Variants in PTPN23 observed in about 807,000 individuals in gnomAD.
The protein encoded by PTPN23 is tyrosine-protein phosphatase non-receptor type 23.
A neutral mutation model predicts 156.3 loss-of-function variants in PTPN23; 72 were observed. That is an observed-to-expected ratio of 0.46 (90% CI 0.38 to 0.56). The LOEUF is 0.56. Ranked by LOEUF, PTPN23 falls within the 20% of genes least tolerant of loss-of-function variation. The pLI is 0.00. For synonymous variants in PTPN23, 957 were observed against 899.6 expected (o/e 1.06, Z -1.14); for missense variants, 1,974 against 2,171.5 (o/e 0.91, Z 1.81).
chr3:47,408,695 C>T lies in PTPN23; in HGVS notation c.1331-81C>T, dbSNP rs537714887. The T allele has an allele frequency of 9.5e-5, 143 of 1,498,022 alleles. 1 individual carries two copies. The highest frequency in any genetic ancestry group is 6.2e-4 in the Admixed American group (30 of 48,662). 92.8% of individuals were successfully genotyped at this position (1,498,022 alleles called of 1,614,324 possible). A position where few individuals can be genotyped will look rare whatever the true frequency, so the allele number is the denominator to read the frequency against. On this transcript the variant is annotated intron_variant, in intron 15 of 24. Coordinates refer to ENST00000265562, the MANE Select transcript of PTPN23 (RefSeq NM_015466.4). ...TCACTTAAGCCCTGACCTGAGGGGG[C>T]GGTTCTGTCTCTTGGGGGAGGGGCC...
In PTPN23 at chr3:47,408,971, C is replaced by T. The variant is rs778966633; in HGVS notation, c.1526C>T (p.Ser509Phe). ...TACATGGAAGTCCATGAGAAGGCCTCCTTCACCAACAGTGAGCTGCACCGT... is the reference window on the plus strand; with the variant it reads ...TACATGGAAGTCCATGAGAAGGCCTTCTTCACCAACAGTGAGCTGCACCGT... Reference protein sequence around the residue: ...AKYMEVHEKASFTNSELHRAM... With the variant: ...AKYMEVHEKAFFTNSELHRAM... The change falls in exon 16 of 25, where the codon TCC (serine) becomes TTC (phenylalanine). Residue 509 changes from serine to phenylalanine, a missense_variant. Physicochemically the swap from Ser to Phe is radical, Grantham distance 155. Transcript: ENST00000265562. The T allele has an allele frequency of 5.0e-6, 8 of 1,614,092 alleles. No homozygotes were observed. The Admixed American group carries it at 5.0e-5, about 10-fold the overall frequency.
chr3:47,407,973 G>A lies in PTPN23; in HGVS notation c.1184+18G>A. On this transcript the variant is annotated intron_variant, in intron 14 of 24. Coordinates refer to ENST00000265562, the MANE Select transcript of PTPN23 (RefSeq NM_015466.4). This position sits in a 1 kb window ranked among gnomAD's most constrained non-coding sequence, Gnocchi z 4.0. ...GTCCTGGAGTGAGTGTGGGACTTGG[G>A]CAGGGAGGCGGAGGCAGGCAGCACT... 1.2e-6 allele frequency: 2 copies of A among 1,612,130 alleles called. No homozygotes were observed. The highest frequency in any genetic ancestry group is 1.7e-6 in the Non-Finnish European group (2 of 1,179,290).
At position 47,405,028 on chromosome 3, in the gene PTPN23, C is replaced by T; in HGVS notation, c.311C>T (p.Ser104Phe). The T allele has an allele frequency of 6.2e-7, 1 of 1,614,216 alleles. No homozygotes were observed. The highest frequency in any genetic ancestry group is 8.5e-7 in the Non-Finnish European group (1 of 1,180,038). Residue 104 changes from serine to phenylalanine, a missense_variant, in exon 4 of 25, where the codon TCT becomes TTT. This residue lies in a region of PTPN23 where 726 missense variants were observed against 929.5 expected (regional missense o/e 0.78). Transcript: ENST00000265562. This position sits in a 1 kb window ranked among gnomAD's most constrained non-coding sequence, Gnocchi z 4.7. ...VTWTEIFSGK[S>F]VAHEDIKYEQ... ...AGGACAGAGATCTTCTCAGGCAAGT[C>T]TGTGGCCCATGAGGACATCAAGTAC...
chr3:47,410,376 C>G lies in PTPN23; in HGVS notation c.2578C>G (p.Leu860Val). 1 of 1,610,864 alleles carries G rather than the reference C, an allele frequency of 6.2e-7. No individual in the cohort carries two copies. The highest frequency in any genetic ancestry group is 8.5e-7 in the Non-Finnish European group (1 of 1,178,828). Residue 860 changes from leucine (L) to valine (V), a missense_variant, in exon 20 of 25, where the codon CTC (leucine) becomes GTC (valine). Around this residue, in one of 4 missense-constraint regions of PTPN23, gnomAD observed 731 missense variants for 669.1 expected, o/e 1.09. Coordinates refer to ENST00000265562, the MANE Select transcript of PTPN23 (RefSeq NM_015466.4). ...GVGPAPPVAG[L>V]PSAPPPQFSG... ...AGGGCCGGCCCCACCAGTTGCAGGTCTCCCCTCGGCCCCACCTCCTCAATT... is the reference window on the plus strand; with the variant it reads ...AGGGCCGGCCCCACCAGTTGCAGGTGTCCCCTCGGCCCCACCTCCTCAATT...
rs1559531914 is a variant in PTPN23, at chr3:47,413,141, C to CCGT, written c.4868_4869insGTC (p.Pro1623_Leu1624insSer). ...GCGGGCCACCCGGCCCTCTGACGAC[C>CCGT]CCCTCAGCCTTCTGGATCCACTCTG... is the stretch of plus-strand genomic sequence containing the variant. On this transcript the variant is annotated inframe_insertion, in exon 25 of 25. Coordinates refer to ENST00000265562, the MANE Select transcript of PTPN23 (RefSeq NM_015466.4). The CCGT allele has an allele frequency of 6.2e-7, 1 of 1,612,754 alleles. No homozygotes were observed. The highest frequency in any genetic ancestry group is 1.7e-5 in the Admixed American group (1 of 60,026).
In PTPN23 at chr3:47,381,026, T is replaced by C; in HGVS notation, c.-71T>C. On this transcript the variant is annotated 5_prime_UTR_variant, in exon 1 of 25. Transcript: ENST00000265562. Reference sequence around the variant, plus strand: ...GACTTCCGGCACGAAGGGGCGGGGCTGGGCTCGTGGCTGAGCCAGCAGCTG... The same window carrying C: ...GACTTCCGGCACGAAGGGGCGGGGCCGGGCTCGTGGCTGAGCCAGCAGCTG... 1.3e-6 allele frequency: 2 copies of C among 1,547,648 alleles called. No individual in the cohort carries two copies. The highest frequency in any genetic ancestry group is 1.2e-5 in the South Asian group (1 of 83,894).
intron 23 of PTPN23, 26 bp from the exon 24 acceptor site, chr3:47,412,488 T>A: frequency 1.9e-6 from 3 of 1,612,122 alleles, no homozygotes; most frequent in Non-Finnish European, 2.5e-6. Flanking sequence ...CCTGCCCAGC[T>A]GACCTGGCCA....
At position 47,413,256 on chromosome 3, in the gene PTPN23, A is replaced by C. The variant is rs1705377392; in HGVS notation, c.*71A>C. ...ATGCCCACCTGCCCACACCCAGCAG[A>C]GCTTCTCAGTGGGCACAGTCTCTTA... On this transcript the variant is annotated 3_prime_UTR_variant, in exon 25 of 25. Transcript: ENST00000265562. 1 of 1,531,320 alleles carries C rather than the reference A, an allele frequency of 6.5e-7. No homozygotes were observed. Among genetic ancestry groups the C allele is most frequent in the Non-Finnish European group, 8.8e-7 (1 of 1,132,222 alleles). 94.9% of individuals were successfully genotyped at this position (1,531,320 alleles called of 1,614,324 possible). A position where few individuals can be genotyped will look rare whatever the true frequency, so the allele number is the denominator to read the frequency against.
chr3:47,401,402 T>C (rs1704991673), intron 2 of PTPN23, among the ~76,000 whole-genome samples: 1 of 152,110 alleles, frequency 6.6e-6, no homozygotes, highest in South Asian at 2.1e-4. Flanking sequence ...AGGCGGAGTC[T>C]CGCCATGTTC....
intron 2 of PTPN23, among the ~76,000 whole-genome samples, chr3:47,399,815 G>GT (rs759562487): frequency 2.2e-4 from 33 of 151,994 alleles, no homozygotes; most frequent in Admixed American, 1.9e-3. Flanking sequence ...CTAGATCACT[G>GT]TTTTTTTTGT....
intron 1 of PTPN23, among the ~76,000 whole-genome samples, chr3:47,394,088 T>A (rs552725831): frequency 6.6e-6 from 1 of 152,108 alleles, no homozygotes; most frequent in Non-Finnish European, 1.5e-5. Context: ...CTCAACCCCC[T>A]CCTTTTACAT....
At chr3:47,398,061 T>A (rs987354288) in intron 2 of PTPN23, among the ~76,000 whole-genome samples, 3 of 152,076 alleles carry the variant, frequency 2.0e-5, no homozygotes, top group African/African-American at 7.2e-5. Context: ...TTTGGGAGGC[T>A]GAGGCAGGTG....
intron 1 of PTPN23, among the ~76,000 whole-genome samples, chr3:47,384,799 G>A (rs1355858807): frequency 6.7e-6 from 1 of 150,028 alleles, no homozygotes; most frequent in Admixed American, 6.6e-5. Context: ...TTTTGCTTTC[G>A]TTGCCCAGGC....
intron 1 of PTPN23, among the ~76,000 whole-genome samples, chr3:47,387,153 G>A (rs1016198962): frequency 7.2e-5 from 11 of 152,172 alleles, no homozygotes; most frequent in Non-Finnish European, 1.6e-4. Context: ...GGCCTATGGC[G>A]GTTTTCTTTC....
intron 1 of PTPN23, among the ~76,000 whole-genome samples, chr3:47,389,058 C>T (rs1704714379): frequency 6.6e-6 from 1 of 152,158 alleles, no homozygotes; most frequent in African/African-American, 2.4e-5. Context: ...CACTACCCTT[C>T]CCAGCCTCTG....
chr3:47,406,129 A>G lies in PTPN23; in HGVS notation c.546+83A>G, dbSNP rs1250821316. 26 of 1,552,840 alleles carry G rather than the reference A, an allele frequency of 1.7e-5. No homozygotes were observed. Among genetic ancestry groups the G allele is most frequent in the Non-Finnish European group, 2.3e-5 (26 of 1,147,884 alleles). ...GGGGGCAGTTGGGCCTGGATCCTGG[A>G]CCAAGGCAGTGAGGGACAAGCAAGG... On this transcript the variant is annotated intron_variant, in intron 6 of 24. Coordinates refer to ENST00000265562, the MANE Select transcript of PTPN23 (RefSeq NM_015466.4). The surrounding 1 kb of genome is among the most constrained non-coding windows in gnomAD (Gnocchi z 5.8).
Position 47,413,082 on chromosome 3 carries a change from A to T in PTPN23, c.4808A>T (p.His1603Leu). 1 of 1,612,928 alleles carries T rather than the reference A, an allele frequency of 6.2e-7. No individual in the cohort carries two copies. The highest frequency in any genetic ancestry group is 8.5e-7 in the Non-Finnish European group (1 of 1,180,028). ...CGGGGCAAACAGCGGATGAGCAAGCATAACTTTCTGCAGGCCCATAACGGG... is the reference window on the plus strand; with the variant it reads ...CGGGGCAAACAGCGGATGAGCAAGCTTAACTTTCTGCAGGCCCATAACGGG... ...SLRGKQRMSK[H>L]NFLQAHNGQG... The change falls in exon 25 of 25, where the codon CAT (histidine) becomes CTT (leucine). Residue 1603 changes from histidine to leucine, a missense_variant. Around this residue, in one of 4 missense-constraint regions of PTPN23, gnomAD observed 484 missense variants for 516.0 expected, o/e 0.94. Transcript: ENST00000265562.
chr3:47,382,837 C>T (rs974082548), intron 1 of PTPN23, among the ~76,000 whole-genome samples: 16 of 151,638 alleles, frequency 1.1e-4, no homozygotes, highest in African/African-American at 1.7e-4. Context: ...TACAGGCACC[C>T]GCCACCACCC....
Position 47,407,033 on chromosome 3 carries a change from T to G in PTPN23, c.808-97T>G. 1 of 1,511,342 alleles carries G rather than the reference T, an allele frequency of 6.6e-7. No individual in the cohort carries two copies. The highest frequency in any genetic ancestry group is 2.3e-5 in the East Asian group (1 of 43,890). The allele number at this position is 1,511,342 out of a possible 1,614,324, so 93.6% of individuals were successfully genotyped here. ...GGTGCCCGGCTGCCTCCTGAGCTGC[T>G]TGTCATCTGATGGACAGGCAGGGCC... On this transcript the variant is annotated intron_variant, in intron 9 of 24. Transcript: ENST00000265562. This position sits in a 1 kb window ranked among gnomAD's most constrained non-coding sequence, Gnocchi z 4.0.
Sources: gnomAD v4.1 joint callset for allele counts (sites outside exome capture counted in the v4.1 genomes callset) on GRCh38, gnomAD v4.1.1 for gene constraint, gnomAD v4.1.1 regional missense constraint, Gnocchi (gnomAD v3.1) non-coding constraint, MANE v1.5 for transcripts, NCBI Gene and HGNC (gene_info 2026-07-23, HGNC 2026-07-21) for gene names.